UMAD1: variants seen among roughly 807,000 people sequenced by gnomAD.
UMAD1 encodes UBAP1-MVB12-associated (UMA)-domain containing protein 1.
Under a neutral mutation model 6.1 loss-of-function variants are expected in UMAD1, and 8 were observed. That is an observed-to-expected ratio of 1.30 (90% confidence interval 0.76 to 2.35). The LOEUF is 2.35. Ranked by LOEUF, UMAD1 falls within the 30% of genes most tolerant of loss-of-function variation. UMAD1 has a pLI of 0.00. For synonymous variants in UMAD1, 56 were observed against 31.4 expected, an observed-to-expected ratio of 1.78 and a Z score of -2.61; for missense variants, 130 against 78.4, an observed-to-expected ratio of 1.66 and a Z score of -2.49.
At chr7:7,735,503 G>A (rs1173440618) in intron 2 of UMAD1, among the ~76,000 whole-genome samples, 4 of 151,504 alleles carry the variant, frequency 2.6e-5, no homozygotes, top group African/African-American at 4.9e-5. Flanking sequence ...TCCGCCTCCC[G>A]GGTTCAAGTG....
intron 1 of UMAD1, among the ~76,000 whole-genome samples, chr7:7,663,027 T>C (rs1027436021): frequency 2.0e-5 from 3 of 152,084 alleles, no homozygotes; most frequent in Non-Finnish European, 4.4e-5. Flanking sequence ...TTTTTGCCTG[T>C]AGCCCAAACT....
chr7:7,704,709 G>T (rs6959569), intron 2 of UMAD1, among the ~76,000 whole-genome samples: 3,600 of 138,250 alleles, frequency 0.026, 155 homozygotes, highest in African/African-American at 0.091. Context: ...GGAGGTTGCA[G>T]TGAGCTGAGA....
intron 2 of UMAD1, among the ~76,000 whole-genome samples, chr7:7,771,128 T>C (rs1782091554): frequency 6.6e-6 from 1 of 151,418 alleles, no homozygotes; most frequent in African/African-American, 2.4e-5. Flanking sequence ...TTGTTAGTTT[T>C]TTTTTTTTTC....
chr7:7,791,527 C>CGAAA (rs1782566916), intron 2 of UMAD1, among the ~76,000 whole-genome samples: 1 of 152,200 alleles, frequency 6.6e-6, no homozygotes, highest in African/African-American at 2.4e-5. Context: ...TTGGCCTTTT[C>CGAAA]AGTTTCTAGT....
intron 2 of UMAD1, among the ~76,000 whole-genome samples, chr7:7,726,528 T>C (rs944014705): frequency 4.6e-5 from 7 of 152,208 alleles, no homozygotes; most frequent in African/African-American, 1.7e-4. Flanking sequence ...TCTGAATCAG[T>C]GTCCAATATA....
intron 3 of UMAD1, among the ~76,000 whole-genome samples, chr7:7,841,314 C>CTT (rs35468754): frequency 0.01 from 1,433 of 136,770 alleles, 27 homozygotes; most frequent in African/African-American, 0.036. Flanking sequence ...AACAAGTGAT[C>CTT]TTTTTTTTTT....
chr7:7,729,223 G>C (rs780792963), intron 2 of UMAD1, among the ~76,000 whole-genome samples: 6 of 152,186 alleles, frequency 3.9e-5, no homozygotes, highest in Non-Finnish European at 7.3e-5. Flanking sequence ...GATGTGCAGA[G>C]AGCCAGGATG....
At chr7:7,691,119 T>C (rs1408969407) in intron 2 of UMAD1, among the ~76,000 whole-genome samples, 1 of 152,182 alleles carries the variant, frequency 6.6e-6, no homozygotes, top group Non-Finnish European at 1.5e-5. Context: ...CATTGAATAA[T>C]GGTGGTCTTT....
At chr7:7,730,368 A>G (rs11975062) in intron 2 of UMAD1, among the ~76,000 whole-genome samples, 4,063 of 152,284 alleles carry the variant, frequency 0.027, 196 homozygotes, top group African/African-American at 0.09. Context: ...TGCAGCTAAG[A>G]TGGAGAACCA....
chr7:7,684,362 C>T lies in UMAD1; in HGVS notation c.82+10909C>T, dbSNP rs111442469. Among the ~76,000 whole-genome samples the T allele has an allele frequency of 3.2e-4, 48 of 151,836 alleles. 2 individuals are homozygous for T. Among genetic ancestry groups the T allele is most frequent in the Admixed American group, 2.5e-3 (38 of 15,250 alleles). On this transcript the variant is annotated intron_variant, in intron 2 of 3. Transcript: ENST00000682710. The stretch of plus-strand genomic sequence containing the variant: ...GATTACAGGCGTGTGCCACCATTCC[C>T]GGCTAATTTTTTTTTTTTGTATTTT...
At chr7:7,847,087 C>A (rs1398480888) in intron 3 of UMAD1, among the ~76,000 whole-genome samples, 2 of 6,272 alleles carry the variant, frequency 3.2e-4, no homozygotes, top group African/African-American at 9.8e-4. Flanking sequence ...GACAGCAATG[C>A]AAAAAAAAAA....
chr7:7,838,673 GAAGCTAGA>G (rs943154139), intron 3 of UMAD1, among the ~76,000 whole-genome samples: 4 of 152,202 alleles, frequency 2.6e-5, no homozygotes, highest in Admixed American at 2.6e-4. Context: ...CATGGTAGAA[GAAGCTAGA>G]AACAACACAA....
At chr7:7,864,594 A>G (rs371139456) in intron 3 of UMAD1, among the ~76,000 whole-genome samples, 1 of 142,398 alleles carries the variant, frequency 7.0e-6, no homozygotes, top group African/African-American at 2.7e-5. Flanking sequence ...TGAGGAGAAC[A>G]TGAAAACTAC....
intron 2 of UMAD1, among the ~76,000 whole-genome samples, chr7:7,732,856 G>T (rs751595349): frequency 6.6e-6 from 1 of 152,162 alleles, no homozygotes; most frequent in African/African-American, 2.4e-5. Context: ...CTTATAAAGG[G>T]TGGCAGTGTT....
At chr7:7,810,175 A>G (rs11768586) in intron 3 of UMAD1, among the ~76,000 whole-genome samples, 28,528 of 151,272 alleles carry the variant, frequency 0.19, 3,138 homozygotes, top group South Asian at 0.34. Context: ...TCGGGGGGTT[A>G]CAAAGATGAT....
At chr7:7,733,199 A>G (rs1347096821) in intron 2 of UMAD1, among the ~76,000 whole-genome samples, 2 of 152,178 alleles carry the variant, frequency 1.3e-5, no homozygotes, top group African/African-American at 4.8e-5. Context: ...TGGAAACTCC[A>G]GAATCTCTGG....
At chr7:7,797,867 T>C (rs1782719743) in intron 2 of UMAD1, among the ~76,000 whole-genome samples, 1 of 152,130 alleles carries the variant, frequency 6.6e-6, no homozygotes, top group Non-Finnish European at 1.5e-5. Context: ...TTTTGTATTT[T>C]TGTTAGAGAT....
rs558261201 is a variant in UMAD1, at chr7:7,663,789, A to G, written c.-63-9520A>G. Among the ~76,000 whole-genome samples the G allele has an allele frequency of 2.6e-3, 401 of 152,340 alleles. 3 individuals are homozygous for G. Among genetic ancestry groups the G allele is most frequent in the African/African-American group, 9.2e-3 (384 of 41,572 alleles). ...GGGGCAATAACGAATGCATTTTACC[A>G]GAAGCATTTTTATGGATAGGAATTA... is the stretch of plus-strand genomic sequence containing the variant. On this transcript the variant is annotated intron_variant, in intron 1 of 3. Transcript: ENST00000682710.
chr7:7,763,375 C>T (rs1034343772), intron 2 of UMAD1, among the ~76,000 whole-genome samples: 3 of 152,034 alleles, frequency 2.0e-5, no homozygotes, highest in Non-Finnish European at 4.4e-5. Flanking sequence ...GGTAGTGACC[C>T]TAGTACTCAA....
Sources: allele counts gnomAD v4.1 joint callset (sites outside exome capture counted in the v4.1 genomes callset), GRCh38; gene constraint gnomAD v4.1.1; transcripts MANE v1.5; gene names NCBI Gene and HGNC (gene_info 2026-07-23, HGNC 2026-07-21).